BRD4: variants seen among roughly 807,000 people sequenced by gnomAD.
BRD4 encodes the protein bromodomain-containing protein 4.
A neutral mutation model predicts 142.1 loss-of-function variants in BRD4; 16 were observed. The ratio of observed to expected loss-of-function variants is 0.11; its 90% CI spans 0.08 to 0.17. The LOEUF is 0.17. BRD4 is among the 10% of genes least tolerant of loss of function. The pLI, the probability that BRD4 is intolerant of heterozygous loss-of-function variation, is 1.00. For missense variants in BRD4, 1,424 were observed against 1,810.9 expected (o/e 0.79, Z 3.88); for synonymous variants, 833 against 707.5 (o/e 1.18, Z -2.82).
intron 1 of BRD4, among the ~76,000 whole-genome samples, chr19:15,321,951 A>G (rs549781655): frequency 2.0e-5 from 3 of 152,292 alleles, no homozygotes; most frequent in Admixed American, 2.0e-4. Flanking sequence ...TTCACCTGCT[A>G]CTAGAAAGCA....
At chr19:15,314,555 C>T (rs867349534) in intron 1 of BRD4, among the ~76,000 whole-genome samples, 36 of 152,272 alleles carry the variant, frequency 2.4e-4, no homozygotes, top group African/African-American at 8.4e-4. Flanking sequence ...GCCCAATGCC[C>T]CCAAGTCTGG....
At chr19:15,332,155 CGCCCCCGCGCCGCGCGGAT>C (rs1231952244) in intron 1 of BRD4, 116 bp downstream of exon 1, 1 of 146,460 alleles carries the variant, frequency 6.8e-6, no homozygotes, top group African/African-American at 2.5e-5. Flanking sequence ...CCGGCCTCCC[CGCCCCCGCGCCGCGCGGAT>C]GGCGTAGGTG....
chr19:15,244,149 C>A, intron 13 of BRD4, 82 bp downstream of exon 13: 1 of 1,533,204 alleles, frequency 6.5e-7, no homozygotes, highest in Non-Finnish European at 8.7e-7. Context: ...AAGAAGCTGC[C>A]CAGCCAGAGT....
intron 7 of BRD4, among the ~76,000 whole-genome samples, chr19:15,263,119 TG>T (rs2047491974): frequency 6.6e-6 from 1 of 152,206 alleles, no homozygotes; most frequent in African/African-American, 2.4e-5. Context: ...CCAACCCACT[TG>T]AGACAGGTGT....
In BRD4 at chr19:15,278,101, G is replaced by A. The variant is rs545646863; in HGVS notation, c.-34-4968C>T. ...AGCCTGGGAGACAGAGCAAGACTCC[G>A]TCTCAAAAAAAAAAAAAAAAAAAAA... On this transcript the variant is annotated intron_variant, in intron 1 of 19. Transcript: ENST00000679869. Among the ~76,000 whole-genome samples the A allele has an allele frequency of 7.6e-4, 53 of 70,118 alleles. No individual in the cohort carries two copies. In the South Asian group the frequency reaches 0.013, roughly 18 times the overall value. The allele number at this position is 70,118 out of a possible 152,430, so 46.0% of individuals were successfully genotyped here.
At chr19:15,325,498 A>T (rs1243895568) in intron 1 of BRD4, among the ~76,000 whole-genome samples, 2 of 152,130 alleles carry the variant, frequency 1.3e-5, no homozygotes, top group African/African-American at 4.8e-5. Flanking sequence ...GCAAGAGCCT[A>T]GAGACACTTC....
Position 15,264,657 on chromosome 19 carries a change from TGGCCCA to T in BRD4, c.953_958del (p.Leu318_Gly319del). On this transcript the variant is annotated inframe_deletion, in exon 6 of 20. Coordinates refer to ENST00000679869, the MANE Select transcript of BRD4 (RefSeq NM_001379291.1). ...CACAGGCCGGCTGCTCTCCCGCCGC[TGGCCCA>T]GCTTGGTGGTCTTGGGCTCCGGGGG... 6.2e-7 allele frequency: 1 copy of T among 1,613,746 alleles called. No homozygotes were observed. Among genetic ancestry groups the T allele is most frequent in the Non-Finnish European group, 8.5e-7 (1 of 1,180,002 alleles).
chr19:15,245,971 G>A (rs565038962), intron 11 of BRD4, among the ~76,000 whole-genome samples: 13 of 152,318 alleles, frequency 8.5e-5, no homozygotes, highest in Admixed American at 8.5e-4. Flanking sequence ...CCTCAGTGCA[G>A]CATGCCACCA....
intron 1 of BRD4, among the ~76,000 whole-genome samples, chr19:15,290,040 A>G (rs1284376772): frequency 2.0e-5 from 3 of 152,312 alleles, no homozygotes; most frequent in Middle Eastern, 3.4e-3. Context: ...ATTAAAAACC[A>G]TATGACTGCC....
Position 15,240,036 on chromosome 19 carries a change from C to G in BRD4, c.3170-14G>C, listed in dbSNP as rs2047226510. ...CGCGGAGGTGACCTAGGAGAAGGGA[C>G]AAGGAATGTGTCAAGGGGCTGGCTT... On this transcript the variant is annotated splice_polypyrimidine_tract_variant and intron_variant, in intron 14 of 19. Transcript: ENST00000679869. 6.2e-7 allele frequency: 1 copy of G among 1,602,242 alleles called. No individual in the cohort carries two copies.
intron 1 of BRD4, among the ~76,000 whole-genome samples, chr19:15,287,198 C>T (rs1248775566): frequency 6.7e-6 from 1 of 149,752 alleles, no homozygotes; most frequent in Non-Finnish European, 1.5e-5. Flanking sequence ...TTCCTGTATG[C>T]AAAAAAATGT....
chr19:15,266,901 G>C (rs964397076), intron 4 of BRD4, among the ~76,000 whole-genome samples: 3 of 152,192 alleles, frequency 2.0e-5, no homozygotes, highest in African/African-American at 4.8e-5. Context: ...CTGGAACCCT[G>C]TGTCAGTTGG....
chr19:15,260,132 C>G (rs948473465), intron 7 of BRD4, among the ~76,000 whole-genome samples: 4 of 152,236 alleles, frequency 2.6e-5, no homozygotes, highest in Non-Finnish European at 5.9e-5. Context: ...GGTCATGCTT[C>G]TCAGTTTCAG....
At chr19:15,320,771 C>T (rs190741944) in intron 1 of BRD4, among the ~76,000 whole-genome samples, 6 of 152,252 alleles carry the variant, frequency 3.9e-5, no homozygotes, top group Non-Finnish European at 7.4e-5. Flanking sequence ...TCATCTTCTA[C>T]GAAAATATTT....
At chr19:15,278,077 G>C (rs2047667074) in intron 1 of BRD4, among the ~76,000 whole-genome samples, 1 of 110,788 alleles carries the variant, frequency 9.0e-6, no homozygotes, top group Non-Finnish European at 1.7e-5. Flanking sequence ...CTGCATTCCA[G>C]CCTGGGAGAC....
intron 11 of BRD4, among the ~76,000 whole-genome samples, chr19:15,249,528 C>T (rs759013489): frequency 3.9e-5 from 6 of 152,210 alleles, no homozygotes; most frequent in South Asian, 2.1e-4. Context: ...CCTTGGAAAC[C>T]GCCCCCAGCC....
rs28729313 is a variant in BRD4 at position 15,263,414 on chromosome 19, C to A, written c.1341+6G>T. The A allele has an allele frequency of 5.0e-6, 8 of 1,613,332 alleles. No individual in the cohort carries two copies. The highest frequency in any genetic ancestry group is 3.3e-5 in the South Asian group (3 of 91,082). ...CTGAGGGTGGCTGCGCCCTCCCAAG[C>A]CTCACCTGGAGCTTGCGGGCCATGG... On this transcript the variant is annotated splice_donor_region_variant and intron_variant, in intron 7 of 19. Coordinates refer to ENST00000679869, the MANE Select transcript of BRD4 (RefSeq NM_001379291.1).
In BRD4 at chr19:15,251,438, C is replaced by CGG. The variant is rs1197390019; in HGVS notation, c.2158+2712_2158+2713dup. Among the ~76,000 whole-genome samples, 36 of 7,090 alleles carry CGG rather than the reference C, an allele frequency of 5.1e-3. 1 individual carries two copies. Among genetic ancestry groups the CGG allele is most frequent in the African/African-American group, 9.2e-3 (14 of 1,522 alleles). The allele number at this position is 7,090 out of a possible 152,430, so 4.7% of individuals were successfully genotyped here. On this transcript the variant is annotated intron_variant, in intron 11 of 19. Transcript: ENST00000679869. Reference sequence around the variant, plus strand: ...TCCAATCCAAATGGAAACACAAGAACGGGGGGGGGGGGGGGGGCGGGGGCG... The same window carrying CGG: ...TCCAATCCAAATGGAAACACAAGAACGGGGGGGGGGGGGGGGGGGCGGGGGCG...
intron 1 of BRD4, among the ~76,000 whole-genome samples, chr19:15,314,457 C>A (rs757311978): frequency 6.6e-6 from 1 of 152,118 alleles, no homozygotes; most frequent in Admixed American, 6.6e-5. Context: ...TACACAGGGG[C>A]CTGGCTTTCT....
Sources: allele counts gnomAD v4.1 joint callset (sites outside exome capture counted in the v4.1 genomes callset), GRCh38; gene constraint gnomAD v4.1.1; transcripts MANE v1.5; gene names NCBI Gene and HGNC (gene_info 2026-07-23, HGNC 2026-07-21).